Variants in FER1L6 observed in about 807,000 individuals in gnomAD.
FER1L6 encodes the protein fer-1-like protein 6.
FER1L6 carries 177 observed loss-of-function variants against 219.2 expected under a neutral mutation model. That is an observed-to-expected ratio of 0.81 (90% CI 0.71 to 0.91). The LOEUF is 0.91. Among genes scored for constraint, FER1L6 ranks in the 40% least tolerant of loss-of-function variants. The probability of loss-of-function intolerance (pLI) is 0.00; values close to 1 mark genes in which losing one functional copy is unlikely to be tolerated. For missense variants in FER1L6, 2,153 were observed against 2,259.9 expected (o/e 0.95, Z 0.96); for synonymous variants, 768 against 824.3 (o/e 0.93, Z 1.17).
In FER1L6 at chr8:124,064,588, C is replaced by T. The variant is rs371897440; in HGVS notation, c.3555+15C>T. 137 of 1,607,072 alleles carry T rather than the reference C, an allele frequency of 8.5e-5. No homozygotes were observed. Among genetic ancestry groups the T allele is most frequent in the Non-Finnish European group, 1.1e-4 (124 of 1,176,628 alleles). On this transcript the variant is annotated intron_variant, in intron 26 of 40. Coordinates refer to ENST00000522917, the MANE Select transcript of FER1L6 (RefSeq NM_001039112.2). ...GAAAACCTAAGGTCAGACTAAAATC[C>T]CTCTCTATATTTACAAGGCTCATTG...
intron 11 of FER1L6, among the ~76,000 whole-genome samples, chr8:123,983,375 A>T (rs1046365330): frequency 2.6e-5 from 4 of 152,170 alleles, no homozygotes; most frequent in African/African-American, 9.7e-5. Flanking sequence ...GTTCATTTTT[A>T]AAATTCTGTG....
At chr8:124,104,956 A>G (rs929148164) in intron 39 of FER1L6, among the ~76,000 whole-genome samples, 2 of 152,228 alleles carry the variant, frequency 1.3e-5, no homozygotes, top group African/African-American at 2.4e-5. Flanking sequence ...CTTACAGTCT[A>G]AAGTCAAGTT....
Position 124,060,630 on chromosome 8 carries a change from G to A in FER1L6, c.3068G>A (p.Gly1023Glu). ...CCTCAGGCTCTCATTGAGTGCGGAGGACAAGGTGTGAAGTCCTGCGTGATC... is the reference window on the plus strand; with the variant it reads ...CCTCAGGCTCTCATTGAGTGCGGAGAACAAGGTGTGAAGTCCTGCGTGATC... ...DRPQALIECG[G>E]QGVKSCVIQS... The change falls in exon 24 of 41, where the codon GGA (glycine) becomes GAA (glutamate). Residue 1023 changes from glycine to glutamate, a missense_variant. Gly to Glu is a moderately conservative substitution (Grantham distance 98). Coordinates refer to ENST00000522917, the MANE Select transcript of FER1L6 (RefSeq NM_001039112.2). The A allele has an allele frequency of 6.2e-7, 1 of 1,614,120 alleles. No homozygotes were observed.
rs1816539799 is a variant in FER1L6 at position 123,852,927 on chromosome 8, G to T, written c.-8+742G>T. On this transcript the variant is annotated intron_variant, in intron 1 of 40. Transcript: ENST00000522917. This position sits in a 1 kb window ranked among gnomAD's most constrained non-coding sequence, Gnocchi z 4.9. ...TGAGGCAAATGTAATCATCCCTAAG[G>T]TTATATATCATATATCATATATGAA... 1.3e-5 allele frequency among the ~76,000 whole-genome samples: 2 copies of T among 152,002 alleles called. No homozygotes were observed. Among genetic ancestry groups the T allele is most frequent in the Non-Finnish European group, 2.9e-5 (2 of 68,012 alleles).
intron 22 of FER1L6, among the ~76,000 whole-genome samples, chr8:124,055,964 A>T (rs926229713): frequency 6.6e-6 from 1 of 151,430 alleles, no homozygotes; most frequent in Admixed American, 6.6e-5. Flanking sequence ...TCTCTCTCTC[A>T]TTGTCTCTTT....
chr8:123,928,712 G>A (rs967440897), intron 1 of FER1L6, among the ~76,000 whole-genome samples: 1 of 152,184 alleles, frequency 6.6e-6, no homozygotes, highest in Admixed American at 6.5e-5. Flanking sequence ...GAGGGTTTCT[G>A]TGGTTTGCAA....
chr8:123,905,905 T>A (rs140165535), intron 1 of FER1L6, among the ~76,000 whole-genome samples: 272 of 152,312 alleles, frequency 1.8e-3, no homozygotes, highest in African/African-American at 6.3e-3. Flanking sequence ...CAACAAAAAA[T>A]TCCTACTTAC....
At chr8:123,860,104 A>G (rs1228723446) in intron 1 of FER1L6, among the ~76,000 whole-genome samples, 1 of 127,616 alleles carries the variant, frequency 7.8e-6, no homozygotes, top group Non-Finnish European at 1.6e-5. Flanking sequence ...AGCATTAGGT[A>G]TATCTCCCAA....
chr8:124,109,885 T>C (rs1586355099), intron 39 of FER1L6, among the ~76,000 whole-genome samples: 1 of 152,188 alleles, frequency 6.6e-6, no homozygotes, highest in African/African-American at 2.4e-5. Context: ...TAATATGAAC[T>C]GACTACCAGA....
intron 5 of FER1L6, 60 bp downstream of exon 5, chr8:123,966,350 A>G (rs1164624989): frequency 6.3e-7 from 1 of 1,596,484 alleles, no homozygotes; most frequent in Non-Finnish European, 8.5e-7. Flanking sequence ...ACCATTCTGC[A>G]GGATCCTTCA....
intron 16 of FER1L6, among the ~76,000 whole-genome samples, chr8:124,018,016 T>C (rs1444772948): frequency 6.6e-6 from 1 of 152,248 alleles, no homozygotes; most frequent in African/African-American, 2.4e-5. Context: ...CGCTTGGCCC[T>C]CTGACTCACA....
chr8:124,009,423 C>G (rs573793253), intron 13 of FER1L6, among the ~76,000 whole-genome samples: 31 of 151,984 alleles, frequency 2.0e-4, no homozygotes, highest in Non-Finnish European at 3.5e-4. Flanking sequence ...TTTGAGGGTC[C>G]TGGAGCTGGA....
chr8:123,892,208 GA>G (rs1812659488), intron 1 of FER1L6, among the ~76,000 whole-genome samples: 1 of 151,956 alleles, frequency 6.6e-6, no homozygotes, highest in Admixed American at 6.6e-5. Context: ...TTTCTCTTTT[GA>G]AAAACATTTT....
At chr8:124,119,575 CCCT>C in intron 40 of FER1L6, 29 bp from the exon 41 acceptor site, 2 of 1,453,090 alleles carry the variant, frequency 1.4e-6, no homozygotes, top group Non-Finnish European at 1.9e-6. Context: ...ACAGGATGCC[CCCT>C]TTTTGATTTT....
chr8:124,049,882 C>T, intron 22 of FER1L6, 126 bp downstream of exon 22: 6 of 961,866 alleles, frequency 6.2e-6, no homozygotes, highest in Non-Finnish European at 9.7e-6. Context: ...CTGAATGTGT[C>T]TCCTGGGGAC....
intron 1 of FER1L6, among the ~76,000 whole-genome samples, chr8:123,898,084 T>C (rs759754411): frequency 5.3e-5 from 8 of 152,144 alleles, no homozygotes; most frequent in Non-Finnish European, 1.2e-4. Flanking sequence ...GTATTCAAAA[T>C]ATGCAAATCT....
chr8:124,105,578 T>C (rs1043549667), intron 39 of FER1L6, among the ~76,000 whole-genome samples: 4 of 152,152 alleles, frequency 2.6e-5, no homozygotes, highest in African/African-American at 9.7e-5. Flanking sequence ...GGAGGCTCTT[T>C]GGAGAAGGGC....
chr8:123,982,959 T>C (rs1249986619), intron 11 of FER1L6, among the ~76,000 whole-genome samples: 1 of 152,208 alleles, frequency 6.6e-6, no homozygotes, highest in Non-Finnish European at 1.5e-5. Context: ...GCCACAGAAG[T>C]CACACAATGA....
chr8:123,916,300 C>A (rs1385129486), intron 1 of FER1L6, among the ~76,000 whole-genome samples: 1 of 152,224 alleles, frequency 6.6e-6, no homozygotes, highest in Non-Finnish European at 1.5e-5. Flanking sequence ...CTTCCAGATT[C>A]TTGGATGGCA....
Sources: allele counts gnomAD v4.1 joint callset (sites outside exome capture counted in the v4.1 genomes callset), GRCh38; gene constraint gnomAD v4.1.1; non-coding constraint Gnocchi (gnomAD v3.1); transcripts MANE v1.5; gene names NCBI Gene and HGNC (gene_info 2026-07-23, HGNC 2026-07-21).